The following TSHR variants were observed in gnomAD, a reference collection of about 807,000 sequenced individuals.
TSHR encodes the protein thyrotropin receptor.
TSHR carries 51 observed loss-of-function variants against 64.1 expected under a neutral mutation model. The ratio of observed to expected loss-of-function variants is 0.80; its 90% confidence interval spans 0.64 to 1.01. The LOEUF (loss-of-function observed/expected upper bound fraction) is 1.01, where lower values mean the gene tolerates loss of function less well. Ranked by LOEUF, TSHR falls within the 50% of genes least tolerant of loss-of-function variation. The pLI, the probability that TSHR is intolerant of heterozygous loss-of-function variation, is 0.00. For synonymous variants in TSHR, 361 were observed against 361.9 expected, an observed-to-expected ratio of 1.00 and a Z score of 0.03; for missense variants, 877 against 942.8, an observed-to-expected ratio of 0.93 and a Z score of 0.91.
At chr14:81,024,337 C>T (rs908455936) in intron 1 of TSHR, among the ~76,000 whole-genome samples, 2 of 152,134 alleles carry the variant, frequency 1.3e-5, no homozygotes, top group Admixed American at 6.5e-5. Context: ...CAACCTCCAC[C>T]TTCCGGGTTC....
intron 1 of TSHR, among the ~76,000 whole-genome samples, chr14:81,021,895 G>A (rs1457621680): frequency 6.6e-6 from 1 of 152,158 alleles, no homozygotes; most frequent in Non-Finnish European, 1.5e-5. Context: ...TACAACCTCA[G>A]TTATCAACAA....
chr14:80,989,760 T>C (rs1339998454), intron 1 of TSHR, among the ~76,000 whole-genome samples: 2 of 152,174 alleles, frequency 1.3e-5, no homozygotes, highest in Admixed American at 6.5e-5. Context: ...GAAGACACTT[T>C]AGAGGTTTGG....
chr14:81,117,324 G>C (rs1370912708), intron 8 of TSHR, among the ~76,000 whole-genome samples: 2 of 122,476 alleles, frequency 1.6e-5, no homozygotes, highest in South Asian at 3.0e-4. Context: ...GAATCAAATA[G>C]ACGCAATAAA....
At chr14:81,066,473 G>A (rs915019893) in intron 2 of TSHR, among the ~76,000 whole-genome samples, 2 of 152,162 alleles carry the variant, frequency 1.3e-5, no homozygotes, top group African/African-American at 4.8e-5. Context: ...AAGAGACTGG[G>A]TAAATCAAAG....
chr14:81,129,462 C>G (rs1303121418), intron 8 of TSHR, among the ~76,000 whole-genome samples: 2 of 152,232 alleles, frequency 1.3e-5, no homozygotes, highest in African/African-American at 4.8e-5. Flanking sequence ...AACCACCCAC[C>G]TGCTGCAGGC....
intron 8 of TSHR, among the ~76,000 whole-genome samples, chr14:81,114,093 G>C (rs1445028100): frequency 6.7e-6 from 1 of 148,420 alleles, no homozygotes; most frequent in African/African-American, 2.5e-5. Context: ...CCAAGTAAGA[G>C]ATGAGAGTAC....
rs781686784 is a variant in TSHR at position 81,143,816 on chromosome 14, T to C, written c.1758T>C (p.Val586=). The C allele has an allele frequency of 9.3e-6, 15 of 1,614,084 alleles. No homozygotes were observed. In the East Asian group the frequency reaches 3.3e-4, roughly 36 times the overall value. ...TPLALAYIVF[V]LTLNIVAFVI... ...TTGCTCTGGCATATATTGTTTTTGT[T>C]CTGACGCTCAACATAGTTGCCTTCG... Residue 586 remains valine (V), a synonymous_variant, in exon 10 of 10, where the codon GTT becomes GTC. Transcript: ENST00000298171.
intron 1 of TSHR, among the ~76,000 whole-genome samples, chr14:81,060,292 T>C (rs1886140646): frequency 6.6e-6 from 1 of 152,258 alleles, no homozygotes; most frequent in East Asian, 1.9e-4. Flanking sequence ...TTGTTTTCCT[T>C]TGGCATGGCC....
chr14:81,132,569 T>C (rs1891291596), intron 8 of TSHR, among the ~76,000 whole-genome samples: 1 of 152,212 alleles, frequency 6.6e-6, no homozygotes. Flanking sequence ...TTACTTTCAT[T>C]AGACACTTAA....
chr14:81,046,666 T>C (rs1184206425), intron 1 of TSHR, among the ~76,000 whole-genome samples: 1 of 152,080 alleles, frequency 6.6e-6, no homozygotes, highest in Non-Finnish European at 1.5e-5. Flanking sequence ...AATCATATAT[T>C]TTCCAAATTT....
intron 1 of TSHR, among the ~76,000 whole-genome samples, chr14:81,007,885 C>T (rs897496815): frequency 2.0e-5 from 3 of 152,162 alleles, no homozygotes; most frequent in African/African-American, 4.8e-5. Flanking sequence ...ACCGTCTTAG[C>T]GTTCTTTCTG....
intron 1 of TSHR, among the ~76,000 whole-genome samples, chr14:81,023,916 G>C (rs1883906105): frequency 6.6e-6 from 1 of 151,890 alleles, no homozygotes; most frequent in African/African-American, 2.4e-5. Flanking sequence ...GCAGAACAGG[G>C]CACCTTTATT....
intron 1 of TSHR, chr14:80,994,943 A>G (rs760900469): frequency 6.6e-6 from 1 of 152,226 alleles, no homozygotes; most frequent in Non-Finnish European, 1.5e-5. Flanking sequence ...CACTATCAAC[A>G]GAGTAAACAG....
intron 1 of TSHR, among the ~76,000 whole-genome samples, chr14:80,958,681 A>G (rs1353150221): frequency 6.6e-6 from 1 of 152,108 alleles, no homozygotes. Context: ...CTTTCTAGAC[A>G]AGAAAGATCT....
rs1401323288 is a variant in TSHR, at chr14:81,102,795, T to G, written c.615-5580T>G. On this transcript the variant is annotated intron_variant, in intron 7 of 9. Coordinates refer to ENST00000298171, the MANE Select transcript of TSHR (RefSeq NM_000369.5). ...GTATTCAGTGAGGATGACCATTGTG[T>G]GGCGAAATATGTACTCTGTTTCTCT... 3.0e-6 allele frequency: 3 copies of G among 985,418 alleles called. No individual in the cohort carries two copies. In the African/African-American group the frequency reaches 5.2e-5, roughly 17 times the overall value. The allele number at this position is 985,418 out of a possible 1,614,324, so 61.0% of individuals were successfully genotyped here.
chr14:81,106,771 C>G (rs1889919180), intron 7 of TSHR, among the ~76,000 whole-genome samples: 1 of 151,878 alleles, frequency 6.6e-6, no homozygotes, highest in African/African-American at 2.4e-5. Context: ...ATGGTGAAAC[C>G]CTGTCTCTAC....
At chr14:81,104,284 C>T (rs1429283720) in intron 7 of TSHR, 7 of 985,238 alleles carry the variant, frequency 7.1e-6, no homozygotes, top group Admixed American at 6.2e-5. Context: ...GAATTAGCAA[C>T]GCTGTGGGAG....
chr14:80,996,674 G>C (rs1370293519), intron 1 of TSHR, among the ~76,000 whole-genome samples: 1 of 152,070 alleles, frequency 6.6e-6, no homozygotes, highest in African/African-American at 2.4e-5. Context: ...TTATTCTCTT[G>C]CCTAAGATTA....
intron 1 of TSHR, among the ~76,000 whole-genome samples, chr14:80,965,398 C>T (rs76009304): frequency 0.01 from 1,555 of 152,292 alleles, 11 homozygotes; most frequent in Middle Eastern, 0.044. Flanking sequence ...TCCTTCTGAA[C>T]ATGTTATTGT....
Sources: allele counts gnomAD v4.1 joint callset (sites outside exome capture counted in the v4.1 genomes callset), GRCh38; gene constraint gnomAD v4.1.1; transcripts MANE v1.5; gene names NCBI Gene and HGNC (gene_info 2026-07-23, HGNC 2026-07-21).